The following MITF variants were observed in gnomAD, a reference collection of about 807,000 sequenced individuals.
MITF encodes microphthalmia-associated transcription factor.
In MITF, 17 loss-of-function variants were observed where a neutral mutation model predicts 60.5. That is an observed-to-expected ratio of 0.28 (90% CI 0.19 to 0.42). MITF has a LOEUF of 0.42. MITF is among the 10% of genes least tolerant of loss of function. The pLI, the probability that MITF is intolerant of heterozygous loss-of-function variation, is 1.00. For synonymous variants in MITF, 260 were observed against 248.5 expected (o/e 1.05, Z -0.43); for missense variants, 622 against 683.5 (o/e 0.91, Z 1.00).
intron 9 of MITF, among the ~76,000 whole-genome samples, chr3:69,961,218 A>C (rs1179198870): frequency 6.6e-6 from 1 of 151,554 alleles, no homozygotes; most frequent in Non-Finnish European, 1.5e-5. Flanking sequence ...CCCCATCTCT[A>C]CTAAAAATAG....
At chr3:69,958,382 G>A (rs1013212175) in intron 8 of MITF, among the ~76,000 whole-genome samples, 8 of 152,168 alleles carry the variant, frequency 5.3e-5, no homozygotes, top group Non-Finnish European at 1.0e-4. Flanking sequence ...ATCAACTCCA[G>A]GGAATTCTCT....
Position 69,965,144 on chromosome 3 carries a change from G to A in MITF, c.1477G>A (p.Val493Ile), listed in dbSNP as rs756044021. ...CCTGATGGACGACACCCTTTCTCCCGTCGGTGTCACTGATCCACTCCTTTC... is the reference window on the plus strand; with the variant it reads ...CCTGATGGACGACACCCTTTCTCCCATCGGTGTCACTGATCCACTCCTTTC... ...DILMDDTLSP[V>I]GVTDPLLSSV... Residue 493 changes from valine to isoleucine, a missense_variant, in exon 10 of 10, where the codon GTC (valine) becomes ATC (isoleucine). Physicochemically the swap from Val to Ile is conservative, Grantham distance 29. Around this residue, in one of 5 missense-constraint regions of MITF, gnomAD observed 224 missense variants for 209.5 expected, o/e 1.07. Transcript: ENST00000352241. 37 of 1,613,900 alleles carry A rather than the reference G, an allele frequency of 2.3e-5. No homozygotes were observed. The highest frequency in any genetic ancestry group is 1.1e-4 in the South Asian group (10 of 91,076).
At chr3:69,828,029 G>A (rs1466591808) in intron 1 of MITF, among the ~76,000 whole-genome samples, 2 of 152,204 alleles carry the variant, frequency 1.3e-5, no homozygotes, top group African/African-American at 2.4e-5. Flanking sequence ...TGTCATAAAT[G>A]TGATCAAGTA....
chr3:69,955,677 T>C (rs993535915), intron 7 of MITF, among the ~76,000 whole-genome samples: 2 of 151,828 alleles, frequency 1.3e-5, no homozygotes, highest in Non-Finnish European at 2.9e-5. Flanking sequence ...TAGCCAGGTG[T>C]GGTGGCATGT....
intron 1 of MITF, among the ~76,000 whole-genome samples, chr3:69,859,758 G>A (rs975969008): frequency 2.0e-5 from 3 of 151,934 alleles, no homozygotes; most frequent in Non-Finnish European, 4.4e-5. Context: ...TATTCTTATT[G>A]TCCTTCAATA....
intron 2 of MITF, among the ~76,000 whole-genome samples, chr3:69,901,469 T>C (rs2064994015): frequency 6.6e-6 from 1 of 152,180 alleles, no homozygotes; most frequent in African/African-American, 2.4e-5. Flanking sequence ...ACCCTGACTC[T>C]ATCCTTCTGT....
intron 2 of MITF, among the ~76,000 whole-genome samples, chr3:69,923,506 G>T (rs760059151): frequency 8.5e-5 from 13 of 152,094 alleles, no homozygotes; most frequent in Non-Finnish European, 1.8e-4. Flanking sequence ...CACCACACCA[G>T]GCTAATTTTT....
chr3:69,841,385 GT>G (rs2063633514), intron 1 of MITF, among the ~76,000 whole-genome samples: 1 of 152,308 alleles, frequency 6.6e-6, no homozygotes, highest in Admixed American at 6.5e-5. Flanking sequence ...ATTTGAAAAG[GT>G]GATAGATAAA....
At chr3:69,930,587 G>A (rs1308050842) in intron 2 of MITF, among the ~76,000 whole-genome samples, 1 of 152,170 alleles carries the variant, frequency 6.6e-6, no homozygotes, top group Non-Finnish European at 1.5e-5. Context: ...TTGCACAGTT[G>A]CCTGGCATCT....
chr3:69,876,914 A>T, intron 1 of MITF, among the ~76,000 whole-genome samples: 1 of 152,300 alleles, frequency 6.6e-6, no homozygotes, highest in Middle Eastern at 3.4e-3. Context: ...AAATACTATG[A>T]CTTCTTTATA....
At chr3:69,805,720 A>G (rs1299844050) in intron 1 of MITF, among the ~76,000 whole-genome samples, 3 of 152,036 alleles carry the variant, frequency 2.0e-5, no homozygotes, top group Non-Finnish European at 4.4e-5. Context: ...GTGCAGTGGC[A>G]TGATCATAGC....
At chr3:69,830,728 C>T (rs751231372) in intron 1 of MITF, among the ~76,000 whole-genome samples, 1 of 151,590 alleles carries the variant, frequency 6.6e-6, no homozygotes, top group Admixed American at 6.6e-5. Context: ...AATGAATGAA[C>T]AGATATGATA....
At chr3:69,907,252 T>G (rs2065119658) in intron 2 of MITF, among the ~76,000 whole-genome samples, 1 of 152,188 alleles carries the variant, frequency 6.6e-6, no homozygotes, top group Non-Finnish European at 1.5e-5. Context: ...TGTCCAAAAC[T>G]TTCCTGTCTA....
rs1334941095 is a variant in MITF, at chr3:69,938,056, C to G, written c.582+7C>G. ...CTCCAACTGTGAAAAAGAGGTAATT[C>G]ATGTCTCCTCTCCTCTCCTGTTTTC... is the stretch of plus-strand genomic sequence containing the variant. On this transcript the variant is annotated splice_region_variant and intron_variant, in intron 3 of 9. Transcript: ENST00000352241. 1 of 1,610,376 alleles carries G rather than the reference C, an allele frequency of 6.2e-7. No individual in the cohort carries two copies. Among genetic ancestry groups the G allele is most frequent in the Admixed American group, 1.7e-5 (1 of 60,024 alleles).
chr3:69,807,083 C>T (rs1179758825), intron 1 of MITF, among the ~76,000 whole-genome samples: 1 of 152,320 alleles, frequency 6.6e-6, no homozygotes, highest in South Asian at 2.1e-4. Context: ...TTTGCCTCTT[C>T]TTGGCTGGGG....
At chr3:69,847,843 A>G (rs1237568339) in intron 1 of MITF, among the ~76,000 whole-genome samples, 1 of 152,230 alleles carries the variant, frequency 6.6e-6, no homozygotes, top group Non-Finnish European at 1.5e-5. Flanking sequence ...GAAGCCCTTC[A>G]TAACAGGAAT....
chr3:69,897,134 G>A (rs2064893467), intron 2 of MITF, among the ~76,000 whole-genome samples: 1 of 152,184 alleles, frequency 6.6e-6, no homozygotes, highest in South Asian at 2.1e-4. Context: ...GATGCAGTCA[G>A]GATTGGGTAG....
intron 3 of MITF, chr3:69,938,509 G>A: frequency 6.9e-7 from 1 of 1,456,270 alleles, no homozygotes. Flanking sequence ...AAGAAAGAAT[G>A]GAATATGCAT....
chr3:69,872,841 AT>A (rs1311430165), intron 1 of MITF, among the ~76,000 whole-genome samples: 1 of 152,166 alleles, frequency 6.6e-6, no homozygotes, highest in Admixed American at 6.5e-5. Flanking sequence ...GTGGTTCTTA[AT>A]TTTTAGAATG....
Sources: allele counts gnomAD v4.1 joint callset (sites outside exome capture counted in the v4.1 genomes callset), GRCh38; gene constraint gnomAD v4.1.1; regional missense constraint gnomAD v4.1.1; transcripts MANE v1.5; gene names NCBI Gene and HGNC (gene_info 2026-07-23, HGNC 2026-07-21).